The following FER1L6 variants were observed in gnomAD, a reference collection of about 807,000 sequenced individuals.
FER1L6 encodes the protein fer-1 like family member 6.
FER1L6 carries 177 observed loss-of-function variants against 219.2 expected under a neutral mutation model. The observed-to-expected ratio is 0.81, with a 90% CI of 0.71 to 0.91. FER1L6 has a LOEUF of 0.91. FER1L6 is among the 40% of genes least tolerant of loss of function. FER1L6 has a pLI of 0.00. For synonymous variants in FER1L6, 768 were observed against 824.3 expected (o/e 0.93, Z 1.17); for missense variants, 2,153 against 2,259.9 (o/e 0.95, Z 0.96).
In FER1L6 at chr8:123,977,459, C is replaced by T; in HGVS notation, c.913C>T (p.His305Tyr). The T allele has an allele frequency of 6.2e-7, 1 of 1,614,090 alleles. No homozygotes were observed. Among genetic ancestry groups the T allele is most frequent in the East Asian group, 2.2e-5 (1 of 44,872 alleles). The change falls in exon 10 of 41, where the codon CAT (histidine) becomes TAT (tyrosine). Residue 305 changes from histidine to tyrosine, a missense_variant. Transcript: ENST00000522917. The stretch of plus-strand genomic sequence containing the variant: ...GAAGAACTGTGCTGATCCTGTGTGG[C>T]ATGAACAGGTGATCTTCAAGGAAAT... ...VQKNCADPVW[H>Y]EQVIFKEMFP...
intron 9 of FER1L6, among the ~76,000 whole-genome samples, chr8:123,976,422 T>C: frequency 6.6e-6 from 1 of 151,710 alleles, no homozygotes. Context: ...GGCATAAGAA[T>C]TGCTTGAACT....
At position 123,955,983 on chromosome 8, in the gene FER1L6, T is replaced by G. The variant is rs1472001180; in HGVS notation, c.-7-9T>G. On this transcript the variant is annotated splice_polypyrimidine_tract_variant and intron_variant, in intron 1 of 40. Transcript: ENST00000522917. The stretch of plus-strand genomic sequence containing the variant: ...GTTTTTATTGTTTCTTTTTTTTTCT[T>G]CTTTTCAGAAAGGGGATGTTTGGGC... 1 of 1,603,932 alleles carries G rather than the reference T, an allele frequency of 6.2e-7. No homozygotes were observed. The highest frequency in any genetic ancestry group is 8.5e-7 in the Non-Finnish European group (1 of 1,175,350).
At chr8:124,055,004 G>A (rs1056149168) in intron 22 of FER1L6, among the ~76,000 whole-genome samples, 1 of 152,188 alleles carries the variant, frequency 6.6e-6, no homozygotes, top group Non-Finnish European at 1.5e-5. Flanking sequence ...AATCAGTGTA[G>A]CCATGGAAAG....
intron 1 of FER1L6, among the ~76,000 whole-genome samples, chr8:123,865,367 A>C (rs1816816014): frequency 6.7e-6 from 1 of 149,878 alleles, no homozygotes; most frequent in Non-Finnish European, 1.5e-5. Flanking sequence ...TGCTGGGAGA[A>C]CCACTGCTCT....
chr8:123,924,446 G>T (rs1456897891), intron 1 of FER1L6, among the ~76,000 whole-genome samples: 3 of 151,886 alleles, frequency 2.0e-5, no homozygotes, highest in Non-Finnish European at 4.4e-5. Context: ...GGAGGCTGAG[G>T]CAGGAGAATC....
chr8:124,117,946 T>C (rs1823318714), intron 39 of FER1L6, among the ~76,000 whole-genome samples: 1 of 152,168 alleles, frequency 6.6e-6, no homozygotes, highest in African/African-American at 2.4e-5. Flanking sequence ...CAATCGTGTG[T>C]AATAAAATGC....
In FER1L6 at chr8:123,982,339, G is replaced by A. The variant is rs763906666; in HGVS notation, c.1410+1528G>A. On this transcript the variant is annotated intron_variant, in intron 11 of 40. Coordinates refer to ENST00000522917, the MANE Select transcript of FER1L6 (RefSeq NM_001039112.2). ...GAAAAATATTTTCTTCATCCAAGTC[G>A]AAATATCTTTAAGATATTTTGATGA... 2.6e-5 allele frequency among the ~76,000 whole-genome samples: 4 copies of A among 152,066 alleles called. No homozygotes were observed. The South Asian group carries it at 6.2e-4, about 24-fold the overall frequency.
chr8:123,906,603 C>G (rs887885048), intron 1 of FER1L6, among the ~76,000 whole-genome samples: 2 of 151,986 alleles, frequency 1.3e-5, no homozygotes, highest in South Asian at 4.2e-4. Flanking sequence ...AGTTCAAGAC[C>G]AGCCCGGCCA....
rs193089407 is a variant in FER1L6, at chr8:124,005,997, C to T, written c.1700+2650C>T. ...AATCACCTTCTTTGGGGTAATTTTT[C>T]GTTCCCTGAAAGCCATACTTGTTTA... On this transcript the variant is annotated intron_variant, in intron 13 of 40. Coordinates refer to ENST00000522917, the MANE Select transcript of FER1L6 (RefSeq NM_001039112.2). Among the ~76,000 whole-genome samples, 351 of 152,282 alleles carry T rather than the reference C, an allele frequency of 2.3e-3. 2 individuals carry two copies. Among genetic ancestry groups the T allele is most frequent in the Middle Eastern group, 6.8e-3 (2 of 294 alleles).
chr8:123,977,715 A>G, intron 10 of FER1L6, 106 bp downstream of exon 10: 3 of 959,338 alleles, frequency 3.1e-6, no homozygotes, highest in Non-Finnish European at 4.6e-6. Flanking sequence ...CCTTTCTGGC[A>G]CCAGATACCA....
chr8:123,935,356 A>G (rs1813944770), intron 1 of FER1L6, among the ~76,000 whole-genome samples: 1 of 152,134 alleles, frequency 6.6e-6, no homozygotes, highest in Non-Finnish European at 1.5e-5. Flanking sequence ...GTTTTTGAGC[A>G]CTTCCTTAGT....
At chr8:124,109,307 CTTA>C (rs1276325312) in intron 39 of FER1L6, among the ~76,000 whole-genome samples, 1 of 152,178 alleles carries the variant, frequency 6.6e-6, no homozygotes, top group Non-Finnish European at 1.5e-5. Flanking sequence ...CCACCCTAAT[CTTA>C]TTATTCAAAT....
intron 26 of FER1L6, among the ~76,000 whole-genome samples, chr8:124,065,177 C>T (rs569351510): frequency 3.3e-5 from 5 of 151,608 alleles, no homozygotes; most frequent in Non-Finnish European, 7.4e-5. Flanking sequence ...GTAGATCACT[C>T]GAGGCCAGGA....
intron 33 of FER1L6, among the ~76,000 whole-genome samples, chr8:124,086,451 A>C (rs117988318): frequency 1.9e-3 from 292 of 152,104 alleles, no homozygotes; most frequent in African/African-American, 4.6e-3. Context: ...AACAAACAAA[A>C]AAAAAAAGCA....
At chr8:124,061,224 A>AT (rs1044428690) in intron 24 of FER1L6, among the ~76,000 whole-genome samples, 10 of 152,156 alleles carry the variant, frequency 6.6e-5, no homozygotes, top group Admixed American at 4.6e-4. Context: ...TTCTGAAGTG[A>AT]TTTTTTTTGA....
chr8:123,893,943 C>G (rs569315404), intron 1 of FER1L6, among the ~76,000 whole-genome samples: 1 of 152,202 alleles, frequency 6.6e-6, no homozygotes, highest in South Asian at 2.1e-4. Context: ...CATGGTCACC[C>G]CTGGTATGGA....
At chr8:123,903,733 C>A (rs956319991) in intron 1 of FER1L6, among the ~76,000 whole-genome samples, 5 of 152,046 alleles carry the variant, frequency 3.3e-5, no homozygotes, top group Non-Finnish European at 5.9e-5. Context: ...GCAATATGGA[C>A]CGTTTCATAC....
At chr8:123,995,174 T>C (rs1464581408) in intron 12 of FER1L6, among the ~76,000 whole-genome samples, 1 of 152,168 alleles carries the variant, frequency 6.6e-6, no homozygotes, top group Non-Finnish European at 1.5e-5. Context: ...ACAGCATGAA[T>C]CTCTACACAC....
intron 5 of FER1L6, 52 bp downstream of exon 5, chr8:123,966,342 C>T: frequency 1.9e-6 from 3 of 1,604,494 alleles, no homozygotes. Flanking sequence ...TCTTCACCAC[C>T]ATTCTGCAGG....
Sources: gnomAD v4.1 joint callset for allele counts (sites outside exome capture counted in the v4.1 genomes callset) on GRCh38, gnomAD v4.1.1 for gene constraint, MANE v1.5 for transcripts, NCBI Gene and HGNC (gene_info 2026-07-23, HGNC 2026-07-21) for gene names.